Variants in ADCY8 observed in about 807,000 individuals in gnomAD.
ADCY8 encodes adenylate cyclase type 8.
Under a neutral mutation model 119.7 loss-of-function variants are expected in ADCY8, and 51 were observed. The ratio of observed to expected loss-of-function variants is 0.43; its 90% CI spans 0.34 to 0.54. ADCY8 has a LOEUF of 0.54. Among genes scored for constraint, ADCY8 ranks in the 20% least tolerant of loss-of-function variants. ADCY8 has a pLI of 0.03. For synonymous variants in ADCY8, 665 were observed against 651.0 expected, an observed-to-expected ratio of 1.02 and a Z score of -0.33; for missense variants, 1,383 against 1,598.8, an observed-to-expected ratio of 0.87 and a Z score of 2.30.
chr8:130,814,985 T>A (rs1178982292), intron 13 of ADCY8, among the ~76,000 whole-genome samples: 1 of 152,168 alleles, frequency 6.6e-6, no homozygotes, highest in Non-Finnish European at 1.5e-5. Context: ...TAACCCCCAA[T>A]GTGATGGCAT....
At chr8:130,838,290 T>C (rs939480610) in intron 11 of ADCY8, among the ~76,000 whole-genome samples, 2 of 152,222 alleles carry the variant, frequency 1.3e-5, no homozygotes, top group African/African-American at 2.4e-5. Flanking sequence ...AGGAGCCTAG[T>C]GTCTAGTGTC....
intron 1 of ADCY8, among the ~76,000 whole-genome samples, chr8:131,017,039 C>T (rs369576447): frequency 1.3e-4 from 19 of 151,792 alleles, no homozygotes; most frequent in African/African-American, 4.6e-4. Context: ...TTGAGGACCA[C>T]TCCAACTTGG....
At chr8:130,834,666 T>A (rs1816931376) in intron 12 of ADCY8, among the ~76,000 whole-genome samples, 1 of 152,218 alleles carries the variant, frequency 6.6e-6, no homozygotes, top group South Asian at 2.1e-4. Context: ...TTTGTGTTAT[T>A]TCATATGTAC....
At chr8:130,783,929 A>G in intron 16 of ADCY8, 124 bp from the exon 17 acceptor site, 1 of 657,740 alleles carries the variant, frequency 1.5e-6, no homozygotes, top group Non-Finnish European at 2.6e-6. Context: ...GGAAATAATC[A>G]TGTGGGTGAG....
intron 14 of ADCY8, among the ~76,000 whole-genome samples, chr8:130,812,969 A>G (rs1469154494): frequency 7.1e-6 from 1 of 141,174 alleles, no homozygotes; most frequent in Non-Finnish European, 1.5e-5. Flanking sequence ...TTTTTTTGAG[A>G]TGGATTCTCA....
chr8:130,924,356 A>T (rs1563730681), intron 5 of ADCY8, among the ~76,000 whole-genome samples: 1 of 152,206 alleles, frequency 6.6e-6, no homozygotes, highest in Non-Finnish European at 1.5e-5. Flanking sequence ...ATCCATGAAG[A>T]ACAGCCAAAC....
At chr8:130,947,468 C>T (rs77512787) in intron 3 of ADCY8, among the ~76,000 whole-genome samples, 5,123 of 152,208 alleles carry the variant, frequency 0.034, 187 homozygotes, top group East Asian at 0.19. Flanking sequence ...GAAGTTTTTA[C>T]GAATCTGGAA....
chr8:130,866,335 TC>T, intron 9 of ADCY8, among the ~76,000 whole-genome samples: 1 of 50,062 alleles, frequency 2.0e-5, no homozygotes, highest in Non-Finnish European at 4.1e-5. Flanking sequence ...AACTTGAACA[TC>T]TTTCTTCCAC....
intron 8 of ADCY8, among the ~76,000 whole-genome samples, chr8:130,882,166 C>A (rs1818801936): frequency 6.8e-6 from 1 of 146,784 alleles, no homozygotes; most frequent in African/African-American, 2.6e-5. Flanking sequence ...GAAAATACAG[C>A]ATCTCACAGT....
chr8:130,956,616 T>C (rs1821433492), intron 2 of ADCY8, among the ~76,000 whole-genome samples: 1 of 152,220 alleles, frequency 6.6e-6, no homozygotes, highest in Non-Finnish European at 1.5e-5. Context: ...TCTTTTTGTA[T>C]CCAAGGCCCA....
At chr8:130,904,516 G>A (rs899628048) in intron 6 of ADCY8, among the ~76,000 whole-genome samples, 1 of 152,144 alleles carries the variant, frequency 6.6e-6, no homozygotes. Context: ...TCATGTATTT[G>A]TAACTTGTTT....
At position 131,039,989 on chromosome 8, in the gene ADCY8, G is replaced by A. The variant is rs972171053; in HGVS notation, c.345C>T (p.Ser115=). 7.0e-6 allele frequency: 11 copies of A among 1,571,242 alleles called. No homozygotes were observed. Among genetic ancestry groups the A allele is most frequent in the African/African-American group, 4.1e-5 (3 of 74,016 alleles). The stretch of plus-strand genomic sequence containing the variant: ...CGCCTCCGCTGCCGCTGGCACTGCC[G>A]CTCCCGCTGCGTTCCGGGAAGACTT... ...GTKVFPERSG[S]GSASGSGGGG... is the part of the protein sequence containing the mutation. Residue 115 remains serine (S), a synonymous_variant, in exon 1 of 18, where the codon AGC becomes AGT. Transcript: ENST00000286355.
intron 1 of ADCY8, among the ~76,000 whole-genome samples, chr8:131,013,082 A>C (rs906669032): frequency 4.6e-5 from 7 of 152,190 alleles, no homozygotes; most frequent in Non-Finnish European, 7.3e-5. Flanking sequence ...ATGACTACCC[A>C]TATATAATTT....
At chr8:130,971,185 CA>C (rs1821912050) in intron 2 of ADCY8, among the ~76,000 whole-genome samples, 1 of 152,138 alleles carries the variant, frequency 6.6e-6, no homozygotes, top group South Asian at 2.1e-4. Context: ...TGGTCATTGT[CA>C]TGTTAATTAT....
Position 131,020,330 on chromosome 8 carries a change from C to T in ADCY8, c.960+19044G>A, listed in dbSNP as rs112882270. Among the ~76,000 whole-genome samples, 20 of 152,230 alleles carry T rather than the reference C, an allele frequency of 1.3e-4. 1 individual carries two copies. The highest frequency in any genetic ancestry group is 4.3e-4 in the African/African-American group (18 of 41,528). On this transcript the variant is annotated intron_variant, in intron 1 of 17. Transcript: ENST00000286355. ...TGATTCAGGTGAGGACCAGTATCTT[C>T]TGCTCTAGAGTGGAAGGAGAAGACA...
At chr8:130,793,418 C>T (rs1815484287) in intron 15 of ADCY8, among the ~76,000 whole-genome samples, 1 of 152,192 alleles carries the variant, frequency 6.6e-6, no homozygotes, top group Admixed American at 6.5e-5. Context: ...ACCTTCCTTC[C>T]CATGTTCCCT....
intron 17 of ADCY8, among the ~76,000 whole-genome samples, chr8:130,782,308 A>G (rs1815107799): frequency 1.3e-5 from 2 of 152,218 alleles, no homozygotes; most frequent in Admixed American, 6.5e-5. Flanking sequence ...TTGACAGCCA[A>G]TATCCCATTT....
intron 1 of ADCY8, among the ~76,000 whole-genome samples, chr8:130,994,387 C>A (rs751639580): frequency 3.9e-5 from 6 of 152,194 alleles, no homozygotes; most frequent in Non-Finnish European, 8.8e-5. Context: ...AAAGCTTCCC[C>A]ATCAATTTGA....
chr8:130,882,110 A>C (rs2130451687), intron 8 of ADCY8, among the ~76,000 whole-genome samples: 1 of 138,258 alleles, frequency 7.2e-6, no homozygotes, highest in East Asian at 2.2e-4. Context: ...TTAGAAACCC[A>C]TATTGAGGTT....
Sources: gnomAD v4.1 joint callset for allele counts (sites outside exome capture counted in the v4.1 genomes callset) on GRCh38, gnomAD v4.1.1 for gene constraint, MANE v1.5 for transcripts, NCBI Gene and HGNC (gene_info 2026-07-23, HGNC 2026-07-21) for gene names.